Variants in ROBO1 observed in about 807,000 individuals in gnomAD.
ROBO1 encodes roundabout guidance receptor 1.
A neutral mutation model predicts 195.9 loss-of-function variants in ROBO1; 149 were observed. That is an observed-to-expected ratio of 0.76 (90% CI 0.67 to 0.87). The LOEUF (loss-of-function observed/expected upper bound fraction) is 0.87, where lower values mean the gene tolerates loss of function less well. ROBO1 is among the 40% of genes least tolerant of loss of function. ROBO1 has a pLI of 0.00. For missense variants in ROBO1, 1,933 were observed against 2,068.3 expected (o/e 0.93, Z 1.27); for synonymous variants, 816 against 733.2 (o/e 1.11, Z -1.82).
chr3:79,758,681 A>T (rs1576327263), intron 1 of ROBO1, among the ~76,000 whole-genome samples: 1 of 152,200 alleles, frequency 6.6e-6, no homozygotes, highest in Non-Finnish European at 1.5e-5. Flanking sequence ...GAAGGCAATG[A>T]GTTGGAAACA....
At chr3:79,300,857 G>A (rs62259712) in intron 2 of ROBO1, among the ~76,000 whole-genome samples, 1 of 152,094 alleles carries the variant, frequency 6.6e-6, no homozygotes, top group Non-Finnish European at 1.5e-5. Context: ...GGGCCTTGGA[G>A]AACCTTTATG....
rs35349329 is a variant in ROBO1, at chr3:78,770,911, TA to T, written c.500-24012del. On this transcript the variant is annotated intron_variant, in intron 4 of 30. Coordinates refer to ENST00000464233, the MANE Select transcript of ROBO1 (RefSeq NM_002941.4). The stretch of plus-strand genomic sequence containing the variant: ...AAGACCTTGTCTCTATAAATAATAA[TA>T]AAAAAAATAGCTGGGAATGTTGCTT... Among the ~76,000 whole-genome samples, 771 of 151,558 alleles carry T rather than the reference TA, an allele frequency of 5.1e-3. 7 individuals carry two copies. Among genetic ancestry groups the T allele is most frequent in the African/African-American group, 0.017 (697 of 41,310 alleles).
intron 2 of ROBO1, among the ~76,000 whole-genome samples, chr3:79,469,336 G>A (rs1429415436): frequency 6.6e-6 from 1 of 152,176 alleles, no homozygotes; most frequent in Non-Finnish European, 1.5e-5. Flanking sequence ...CTGAAATAAT[G>A]AGAAGTAATT....
At chr3:79,440,847 T>C (rs983164104) in intron 2 of ROBO1, among the ~76,000 whole-genome samples, 35 of 152,064 alleles carry the variant, frequency 2.3e-4, no homozygotes, top group African/African-American at 8.4e-4. Context: ...TTGGTGGAAA[T>C]AAGGGAGTCA....
intron 2 of ROBO1, among the ~76,000 whole-genome samples, chr3:79,427,353 C>A (rs1369296180): frequency 1.3e-5 from 2 of 152,224 alleles, no homozygotes; most frequent in East Asian, 3.9e-4. Flanking sequence ...TTTTAGAATA[C>A]TCTATTTTAC....
At chr3:79,626,880 C>G (rs1945196541) in intron 1 of ROBO1, among the ~76,000 whole-genome samples, 1 of 152,102 alleles carries the variant, frequency 6.6e-6, no homozygotes. Flanking sequence ...AGAGCCAAAT[C>G]TTGAATGAAC....
chr3:79,156,343 G>A (rs948393337), intron 2 of ROBO1, among the ~76,000 whole-genome samples: 1 of 151,086 alleles, frequency 6.6e-6, no homozygotes, highest in Non-Finnish European at 1.5e-5. Flanking sequence ...TGGATTATAA[G>A]TTTTTGGTAA....
At chr3:79,052,845 C>G (rs1396196705) in intron 3 of ROBO1, among the ~76,000 whole-genome samples, 1 of 152,074 alleles carries the variant, frequency 6.6e-6, no homozygotes, top group Non-Finnish European at 1.5e-5. Context: ...TCCACAGAAA[C>G]TTGTTCAACT....
intron 2 of ROBO1, among the ~76,000 whole-genome samples, chr3:79,483,128 A>AT (rs1254070074): frequency 2.0e-5 from 3 of 152,324 alleles, no homozygotes; most frequent in African/African-American, 2.4e-5. Flanking sequence ...ACCAATATTT[A>AT]TTTTTTTATG....
intron 4 of ROBO1, among the ~76,000 whole-genome samples, chr3:78,851,633 A>G (rs2034073018): frequency 6.6e-6 from 1 of 152,238 alleles, no homozygotes; most frequent in East Asian, 1.9e-4. Context: ...AAATTTATTC[A>G]GAAAGGGCAC....
chr3:78,754,961 T>C (rs964922867), intron 4 of ROBO1, among the ~76,000 whole-genome samples: 2 of 152,048 alleles, frequency 1.3e-5, no homozygotes, highest in Admixed American at 1.3e-4. Flanking sequence ...TTGGATGCCG[T>C]GTAGTGGTAC....
At chr3:79,707,228 A>G (rs1000357948) in intron 1 of ROBO1, among the ~76,000 whole-genome samples, 3 of 152,128 alleles carry the variant, frequency 2.0e-5, no homozygotes, top group African/African-American at 7.2e-5. Flanking sequence ...GTACTGACAT[A>G]TGGTGTCTTT....
intron 1 of ROBO1, among the ~76,000 whole-genome samples, chr3:79,649,213 T>C (rs2106732486): frequency 6.6e-6 from 1 of 152,124 alleles, no homozygotes; most frequent in African/African-American, 2.4e-5. Flanking sequence ...CACAATATTT[T>C]AGCGGGCAAG....
At chr3:79,051,496 C>G (rs2078698225) in intron 3 of ROBO1, among the ~76,000 whole-genome samples, 1 of 152,142 alleles carries the variant, frequency 6.6e-6, no homozygotes, top group Admixed American at 6.6e-5. Context: ...GAGCTGGTAC[C>G]ATTCCTTCTG....
intron 3 of ROBO1, among the ~76,000 whole-genome samples, chr3:79,056,128 G>GT (rs899357985): frequency 2.6e-5 from 4 of 151,966 alleles, no homozygotes; most frequent in African/African-American, 4.8e-5. Flanking sequence ...CTTAAAGATT[G>GT]TTTTTTTCAT....
intron 2 of ROBO1, among the ~76,000 whole-genome samples, chr3:79,348,033 G>T (rs1372800757): frequency 6.6e-6 from 1 of 151,954 alleles, no homozygotes; most frequent in East Asian, 1.9e-4. Context: ...CCAACATGGT[G>T]AAACCCGTCT....
chr3:79,514,810 CTT>C (rs1416564412), intron 2 of ROBO1, among the ~76,000 whole-genome samples: 10 of 152,236 alleles, frequency 6.6e-5, no homozygotes, highest in East Asian at 1.9e-4. Context: ...AAAATAAACA[CTT>C]AAGTATTATG....
intron 1 of ROBO1, among the ~76,000 whole-genome samples, chr3:79,687,600 C>T (rs1047812603): frequency 1.3e-5 from 2 of 152,136 alleles, no homozygotes; most frequent in Non-Finnish European, 2.9e-5. Flanking sequence ...ATTTATGCAT[C>T]CAACAGACAC....
At chr3:78,723,627 CA>C (rs1356819709) in intron 5 of ROBO1, among the ~76,000 whole-genome samples, 1 of 151,988 alleles carries the variant, frequency 6.6e-6, no homozygotes, top group Non-Finnish European at 1.5e-5. Context: ...TGTCTGCAGA[CA>C]TATTTTGTTG....
Sources: allele counts gnomAD v4.1 joint callset (sites outside exome capture counted in the v4.1 genomes callset), GRCh38; gene constraint gnomAD v4.1.1; transcripts MANE v1.5; gene names NCBI Gene and HGNC (gene_info 2026-07-23, HGNC 2026-07-21).